Variants in MAGI1 observed in about 807,000 individuals in gnomAD.
The protein encoded by MAGI1 is membrane-associated guanylate kinase, WW and PDZ domain-containing protein 1.
Under a neutral mutation model 139.9 loss-of-function variants are expected in MAGI1, and 58 were observed. The ratio of observed to expected loss-of-function variants is 0.41; its 90% CI spans 0.34 to 0.52. The LOEUF (loss-of-function observed/expected upper bound fraction) is 0.52, where lower values mean the gene tolerates loss of function less well. MAGI1 is among the 20% of genes least tolerant of loss of function. The pLI is 0.12. For synonymous variants in MAGI1, 812 were observed against 737.9 expected, an observed-to-expected ratio of 1.10 and a Z score of -1.63; for missense variants, 1,874 against 1,901.6, an observed-to-expected ratio of 0.99 and a Z score of 0.27.
intron 1 of MAGI1, among the ~76,000 whole-genome samples, chr3:65,819,736 G>T (rs2041828003): frequency 1.3e-5 from 2 of 151,218 alleles, no homozygotes; most frequent in Admixed American, 1.3e-4. Flanking sequence ...AATTAGCTGG[G>T]CGTGGTGGTG....
intron 1 of MAGI1, among the ~76,000 whole-genome samples, chr3:65,997,110 G>C (rs1428815965): frequency 6.6e-6 from 1 of 152,076 alleles, no homozygotes; most frequent in East Asian, 1.9e-4. Context: ...ACATTCCCCA[G>C]GGAATGGTTT....
intron 2 of MAGI1, among the ~76,000 whole-genome samples, chr3:65,508,700 G>C (rs1003467186): frequency 3.9e-5 from 6 of 152,146 alleles, no homozygotes; most frequent in African/African-American, 1.4e-4. Flanking sequence ...CAATGAATCT[G>C]TATTAGAGAT....
chr3:65,873,224 G>C (rs2059998518), intron 1 of MAGI1: 1 of 152,194 alleles, frequency 6.6e-6, no homozygotes, highest in Admixed American at 6.5e-5. Flanking sequence ...TCATGTATGA[G>C]AAGGAGAAGG....
At chr3:65,858,428 A>G (rs1436544134) in intron 1 of MAGI1, among the ~76,000 whole-genome samples, 1 of 152,304 alleles carries the variant, frequency 6.6e-6, no homozygotes, top group Middle Eastern at 3.4e-3. Context: ...GCATTCAACT[A>G]ATTTTTTCAT....
chr3:65,641,567 T>C (rs1259750446), intron 1 of MAGI1, among the ~76,000 whole-genome samples: 2 of 152,176 alleles, frequency 1.3e-5, no homozygotes, highest in Non-Finnish European at 2.9e-5. Flanking sequence ...GAGCATCCTG[T>C]ATAATCTCCT....
intron 1 of MAGI1, among the ~76,000 whole-genome samples, chr3:65,968,889 T>A (rs2064885455): frequency 6.6e-6 from 1 of 152,206 alleles, no homozygotes; most frequent in Admixed American, 6.5e-5. Flanking sequence ...GTAAGTTTCA[T>A]GCAATTAAAT....
At chr3:65,377,159 ACTTTAATTC>A (rs1942617157) in intron 17 of MAGI1, among the ~76,000 whole-genome samples, 1 of 152,190 alleles carries the variant, frequency 6.6e-6, no homozygotes, top group African/African-American at 2.4e-5. Flanking sequence ...GGGAAAATGC[ACTTTAATTC>A]CTTTGAATTT....
At chr3:65,930,037 C>G (rs1454993428) in intron 1 of MAGI1, among the ~76,000 whole-genome samples, 1 of 152,084 alleles carries the variant, frequency 6.6e-6, no homozygotes, top group Non-Finnish European at 1.5e-5. Context: ...TATTTCTAGG[C>G]CGGGCGCGTT....
intron 1 of MAGI1, among the ~76,000 whole-genome samples, chr3:66,033,085 G>A (rs1576534233): frequency 6.6e-6 from 1 of 151,762 alleles, no homozygotes; most frequent in East Asian, 2.0e-4. Flanking sequence ...CTGGAGTGCA[G>A]TGGTACAATC....
At position 65,846,109 on chromosome 3, in the gene MAGI1, C is replaced by T. The variant is rs1037249575; in HGVS notation, c.313+191887G>A. Among the ~76,000 whole-genome samples the T allele has an allele frequency of 5.9e-5, 9 of 152,278 alleles. 1 individual carries two copies. The South Asian group carries it at 1.2e-3, about 21-fold the overall frequency. ...AGAAGCCATCGAAACTGACTTTGTG[C>T]GTGGGTAGACATACACAGAGCAAAG... On this transcript the variant is annotated intron_variant, in intron 1 of 22. Transcript: ENST00000402939.
chr3:65,734,805 T>C (rs529323647), intron 1 of MAGI1, among the ~76,000 whole-genome samples: 102 of 148,530 alleles, frequency 6.9e-4, no homozygotes, highest in African/African-American at 2.4e-3. Flanking sequence ...CTAAATCCAG[T>C]GTCACATCTA....
chr3:65,690,709 A>C (rs1250970913), intron 1 of MAGI1, among the ~76,000 whole-genome samples: 1 of 114,422 alleles, frequency 8.7e-6, no homozygotes, highest in Non-Finnish European at 1.7e-5. Flanking sequence ...TGAACTCCTG[A>C]CCTCAAGTGA....
At position 65,575,571 on chromosome 3, in the gene MAGI1, A is replaced by G. The variant is rs2081143136; in HGVS notation, c.430+46401T>C. Among the ~76,000 whole-genome samples the G allele has an allele frequency of 3.3e-5, 5 of 152,284 alleles. No individual in the cohort carries two copies. In the South Asian group the frequency reaches 1.0e-3, roughly 32 times the overall value. On this transcript the variant is annotated intron_variant, in intron 2 of 22. Coordinates refer to ENST00000402939, the MANE Select transcript of MAGI1 (RefSeq NM_001033057.2). ...ACATCCATATAAAGACTTACACACA[A>G]ATGTTCATAGCAGCTTAATCTGTAA... is the stretch of plus-strand genomic sequence containing the variant.
At chr3:65,803,029 C>T (rs754499674) in intron 1 of MAGI1, among the ~76,000 whole-genome samples, 1 of 152,146 alleles carries the variant, frequency 6.6e-6, no homozygotes, top group East Asian at 1.9e-4. Context: ...AGTACTCCCA[C>T]CACACTGCTT....
At chr3:65,958,441 GCA>G (rs1237295748) in intron 1 of MAGI1, among the ~76,000 whole-genome samples, 1 of 152,200 alleles carries the variant, frequency 6.6e-6, no homozygotes, top group African/African-American at 2.4e-5. Flanking sequence ...AGGCTTACCT[GCA>G]CAGTGACTAG....
At chr3:65,618,881 C>A (rs1054023038) in intron 2 of MAGI1, among the ~76,000 whole-genome samples, 1 of 152,124 alleles carries the variant, frequency 6.6e-6, no homozygotes, top group African/African-American at 2.4e-5. Context: ...CAGAGTAGCC[C>A]TCAGACTTCA....
intron 1 of MAGI1, among the ~76,000 whole-genome samples, chr3:65,794,047 C>T (rs1184237796): frequency 2.0e-5 from 3 of 152,110 alleles, no homozygotes; most frequent in Non-Finnish European, 2.9e-5. Context: ...TGATTTATTG[C>T]GCTACCACAA....
intron 2 of MAGI1, among the ~76,000 whole-genome samples, chr3:65,540,075 T>C (rs866318817): frequency 1.1e-4 from 16 of 152,138 alleles, no homozygotes; most frequent in African/African-American, 3.6e-4. Context: ...AAACAACATA[T>C]GGAAAGTGCT....
At chr3:65,630,917 A>G (rs1368490135) in intron 1 of MAGI1, among the ~76,000 whole-genome samples, 1 of 152,268 alleles carries the variant, frequency 6.6e-6, no homozygotes, top group Non-Finnish European at 1.5e-5. Flanking sequence ...CTTGCAGGCC[A>G]TGATAAAGAG....
Sources: gnomAD v4.1 joint callset for allele counts (sites outside exome capture counted in the v4.1 genomes callset) on GRCh38, gnomAD v4.1.1 for gene constraint, MANE v1.5 for transcripts, NCBI Gene and HGNC (gene_info 2026-07-23, HGNC 2026-07-21) for gene names.